The following ZNF469 variants were observed in gnomAD, a reference collection of about 807,000 sequenced individuals.
ZNF469 encodes the protein zinc finger protein 469.
A neutral mutation model predicts 1.0 loss-of-function variants in ZNF469; 1 was observed. That is an observed-to-expected ratio of 1.00 (90% confidence interval 0.35 to 4.73). The LOEUF is 4.73. Among genes scored for constraint, ZNF469 ranks in the 30% most tolerant of loss-of-function variants. The pLI is 0.16. For synonymous variants in ZNF469, 2,703 were observed against 2,363.4 expected (o/e 1.14, Z -4.17); for missense variants, 6,100 against 5,356.3 (o/e 1.14, Z -4.33).
At chr16:88,405,670 G>A (rs1162263172) in intron 1 of ZNF469, among the ~76,000 whole-genome samples, 1 of 152,198 alleles carries the variant, frequency 6.6e-6, no homozygotes, top group Non-Finnish European at 1.5e-5. Flanking sequence ...GGGCCCCACG[G>A]ACCCTGTGGG....
At chr16:88,278,994 G>T in the ZNF469 span, among the ~76,000 whole-genome samples, 466 of 133,612 alleles carry the variant, frequency 3.5e-3, 1 homozygote, top group African/African-American at 0.012. Flanking sequence ...CGCTGACACT[G>T]GGACAGTACC....
chr16:88,237,862 G>T, the ZNF469 span, among the ~76,000 whole-genome samples: 1 of 152,042 alleles, frequency 6.6e-6, no homozygotes, highest in Non-Finnish European at 1.5e-5. Context: ...GGCAGCTGCT[G>T]ATCTTTCTTG....
chr16:88,212,902 A>T, the ZNF469 span, among the ~76,000 whole-genome samples: 9 of 152,026 alleles, frequency 5.9e-5, no homozygotes, highest in Non-Finnish European at 1.3e-4. Context: ...CAGTTCCATC[A>T]ACTTGTACCT....
chr16:88,275,609 A>G, the ZNF469 span, among the ~76,000 whole-genome samples: 5 of 152,046 alleles, frequency 3.3e-5, no homozygotes, highest in Admixed American at 3.3e-4. Flanking sequence ...CTTTCTCCTC[A>G]TGACTAGAGT....
In ZNF469 at chr16:88,428,123, C is replaced by T. The variant is rs934185012; in HGVS notation, c.653C>T (p.Pro218Leu). The T allele has an allele frequency of 1.3e-6, 2 of 1,549,974 alleles. No homozygotes were observed. The highest frequency in any genetic ancestry group is 1.7e-6 in the Non-Finnish European group (2 of 1,146,834). The stretch of plus-strand genomic sequence containing the variant: ...CCCCCCCAGAGCAGGGGCACCAGCC[C>T]CCTCCAGCCCGGTTCCTATCCCGAA... ...PGPPQSRGTS[P>L]LQPGSYPEYQ... is the part of the protein sequence containing the mutation. Residue 218 changes from proline to leucine, a missense_variant, in exon 3 of 3, where the codon CCC becomes CTC. Pro to Leu is a moderately conservative substitution (Grantham distance 98). Coordinates refer to ENST00000565624, the MANE Select transcript of ZNF469 (RefSeq NM_001367624.2).
At chr16:88,224,861 CAGCGGCTCAGGGTGTTG>C in the ZNF469 span, among the ~76,000 whole-genome samples, 1 of 152,234 alleles carries the variant, frequency 6.6e-6, no homozygotes, top group Non-Finnish European at 1.5e-5. Context: ...AGTGGGTCCC[CAGCGGCTCAGGGTGTTG>C]AGCGGCTCAG....
chr16:88,260,243 C>G, the ZNF469 span, among the ~76,000 whole-genome samples: 11 of 152,294 alleles, frequency 7.2e-5, no homozygotes, highest in Non-Finnish European at 1.2e-4. This position sits in a 1 kb window ranked among gnomAD's most constrained non-coding sequence, Gnocchi z 4.1. Context: ...CCCACCTCGG[C>G]CTCCCGAAGT....
chr16:88,289,319 C>G, the ZNF469 span, among the ~76,000 whole-genome samples: 7 of 123,708 alleles, frequency 5.7e-5, no homozygotes, highest in South Asian at 8.2e-4. Flanking sequence ...ATGGTGATGG[C>G]GATGATGATG....
Position 88,428,397 on chromosome 16 carries a change from C to T in ZNF469, c.927C>T (p.Pro309=). The T allele has an allele frequency of 6.5e-7, 1 of 1,548,494 alleles. No individual in the cohort carries two copies. Among genetic ancestry groups the T allele is most frequent in the Non-Finnish European group, 8.7e-7 (1 of 1,146,868 alleles). ...NGPLVFAFHQ[P]QGAWPEEAVG... is the part of the protein sequence containing the mutation. ...CACTGGTGTTTGCCTTCCATCAGCC[C>T]CAGGGAGCGTGGCCGGAGGAGGCCG... The change falls in exon 3 of 3, where the codon CCC becomes CCT. Residue 309 remains proline, a synonymous_variant. Coordinates refer to ENST00000565624, the MANE Select transcript of ZNF469 (RefSeq NM_001367624.2).
the ZNF469 span, among the ~76,000 whole-genome samples, chr16:88,210,078 G>A: frequency 3.9e-5 from 6 of 152,346 alleles, no homozygotes; most frequent in East Asian, 1.9e-4. Flanking sequence ...CTGCTACATT[G>A]TTGCAGTCTG....
the ZNF469 span, among the ~76,000 whole-genome samples, chr16:88,304,171 G>C: frequency 2.0e-5 from 3 of 152,174 alleles, no homozygotes; most frequent in East Asian, 1.9e-4. Flanking sequence ...TCCTAGGAGT[G>C]GGGAGAGGCT....
At chr16:88,258,609 C>T in the ZNF469 span, among the ~76,000 whole-genome samples, 1 of 152,086 alleles carries the variant, frequency 6.6e-6, no homozygotes, top group East Asian at 1.9e-4. Context: ...GGACGCTAAG[C>T]ATGGTAGCAT....
the ZNF469 span, among the ~76,000 whole-genome samples, chr16:88,184,424 A>C: frequency 6.6e-6 from 1 of 151,926 alleles, no homozygotes; most frequent in Non-Finnish European, 1.5e-5. Flanking sequence ...AGGCTATTTT[A>C]GCAAAACTGG....
the ZNF469 span, among the ~76,000 whole-genome samples, chr16:88,324,233 GC>G: frequency 6.6e-6 from 1 of 152,264 alleles, no homozygotes; most frequent in Non-Finnish European, 1.5e-5. Context: ...CGGACCGCCA[GC>G]CCTGAAATTT....
the ZNF469 span, among the ~76,000 whole-genome samples, chr16:88,316,149 C>A: frequency 2.6e-5 from 4 of 152,254 alleles, no homozygotes; most frequent in African/African-American, 9.6e-5. Flanking sequence ...CAGCTTCCCC[C>A]AGGTCCGTCC....
chr16:88,282,814 G>A, the ZNF469 span, among the ~76,000 whole-genome samples: 34 of 152,272 alleles, frequency 2.2e-4, no homozygotes, highest in Admixed American at 1.9e-3. Flanking sequence ...TACTCACTGC[G>A]GCTATAAAAA....
At chr16:88,213,185 G>A in the ZNF469 span, among the ~76,000 whole-genome samples, 6 of 151,754 alleles carry the variant, frequency 4.0e-5, no homozygotes, top group African/African-American at 9.7e-5. Flanking sequence ...TGCAAGCTCC[G>A]CCTCCCTGGT....
chr16:88,247,169 A>C, the ZNF469 span, among the ~76,000 whole-genome samples: 2 of 151,776 alleles, frequency 1.3e-5, no homozygotes, highest in East Asian at 3.9e-4. Flanking sequence ...ATCGTGAATG[A>C]CTGAGTGAAT....
the ZNF469 span, among the ~76,000 whole-genome samples, chr16:88,219,607 C>G: frequency 6.7e-6 from 1 of 150,292 alleles, no homozygotes; most frequent in African/African-American, 2.5e-5. Context: ...ACACCTTATA[C>G]AAAAATCAAT....
Sources: gnomAD v4.1 joint callset for allele counts (sites outside exome capture counted in the v4.1 genomes callset) on GRCh38, gnomAD v4.1.1 for gene constraint, Gnocchi (gnomAD v3.1) non-coding constraint, MANE v1.5 for transcripts, NCBI Gene and HGNC (gene_info 2026-07-23, HGNC 2026-07-21) for gene names.